Variants in STX8 observed in about 807,000 individuals in gnomAD.
The protein encoded by STX8 is syntaxin-8.
A neutral mutation model predicts 37.5 loss-of-function variants in STX8; 23 were observed. That is an observed-to-expected ratio of 0.61 (90% CI 0.44 to 0.87). The LOEUF (loss-of-function observed/expected upper bound fraction) is 0.87, where lower values mean the gene tolerates loss of function less well. Among genes scored for constraint, STX8 ranks in the 40% least tolerant of loss-of-function variants. STX8 has a pLI of 0.00. For synonymous variants in STX8, 115 were observed against 99.1 expected (o/e 1.16, Z -0.95); for missense variants, 313 against 284.7 (o/e 1.10, Z -0.71).
chr17:9,325,386 A>G (rs1909719594), intron 7 of STX8, among the ~76,000 whole-genome samples: 1 of 152,022 alleles, frequency 6.6e-6, no homozygotes, highest in Non-Finnish European at 1.5e-5. Context: ...TATGAATGAA[A>G]CCCTATCTAT....
At chr17:9,549,823 C>T (rs998373590) in intron 3 of STX8, among the ~76,000 whole-genome samples, 2 of 152,060 alleles carry the variant, frequency 1.3e-5, no homozygotes, top group African/African-American at 4.8e-5. Flanking sequence ...AAAGGATCAT[C>T]CAGGAAACAA....
chr17:9,499,048 G>A (rs996558066), intron 5 of STX8, among the ~76,000 whole-genome samples: 9 of 152,138 alleles, frequency 5.9e-5, no homozygotes, highest in South Asian at 2.1e-4. Flanking sequence ...AATTTGTTAC[G>A]ATGAGGCTTC....
chr17:9,484,661 C>CA (rs61165957), intron 6 of STX8, among the ~76,000 whole-genome samples: 41,019 of 131,482 alleles, frequency 0.31, 7,506 homozygotes, highest in East Asian at 0.77. Context: ...ACTAAAAATA[C>CA]AAAAAAAAAA....
At chr17:9,343,179 G>C (rs775824843) in intron 7 of STX8, among the ~76,000 whole-genome samples, 4 of 152,162 alleles carry the variant, frequency 2.6e-5, no homozygotes, top group Non-Finnish European at 4.4e-5. Flanking sequence ...TCAAGAAGCA[G>C]TGGAGATGTG....
At chr17:9,327,991 G>C (rs1597607136) in intron 7 of STX8, among the ~76,000 whole-genome samples, 3 of 127,148 alleles carry the variant, frequency 2.4e-5, no homozygotes, top group Non-Finnish European at 4.7e-5. Context: ...TCCTTCTTTT[G>C]TCTCTCTCTT....
chr17:9,337,557 G>A (rs997473906), intron 7 of STX8, among the ~76,000 whole-genome samples: 5 of 152,172 alleles, frequency 3.3e-5, no homozygotes, highest in African/African-American at 1.2e-4. Flanking sequence ...AGTAGAGACG[G>A]GGTTTCACCA....
chr17:9,270,157 G>A lies in STX8; in HGVS notation c.644-19512C>T, dbSNP rs140034327. ...ATATGCAACATATATTTATGTTTTT[G>A]TTGATTGGATAGCAGCTCATAGCTT... On this transcript the variant is annotated intron_variant, in intron 7 of 7. Coordinates refer to ENST00000306357, the MANE Select transcript of STX8 (RefSeq NM_004853.3). Among the ~76,000 whole-genome samples the A allele has an allele frequency of 3.4e-4, 52 of 152,306 alleles. No homozygotes were observed. The Middle Eastern group carries it at 0.01, about 30-fold the overall frequency.
In STX8 at chr17:9,290,915, C is replaced by A. The variant is rs573043526; in HGVS notation, c.644-40270G>T. On this transcript the variant is annotated intron_variant, in intron 7 of 7. Transcript: ENST00000306357. ...GTCTAATGTCCTCTGCTGAAAAAGA[C>A]AACCCTTTGGGGGTTTCCGCACTAC... Among the ~76,000 whole-genome samples, 4 of 152,238 alleles carry A rather than the reference C, an allele frequency of 2.6e-5. No homozygotes were observed. In the South Asian group the frequency reaches 8.3e-4, roughly 32 times the overall value.
At chr17:9,363,920 A>G (rs1911143611) in intron 7 of STX8, among the ~76,000 whole-genome samples, 1 of 152,092 alleles carries the variant, frequency 6.6e-6, no homozygotes, top group African/African-American at 2.4e-5. Flanking sequence ...AGGTTTTCCA[A>G]TTTTGCACTT....
At chr17:9,387,062 C>A (rs972778261) in intron 6 of STX8, among the ~76,000 whole-genome samples, 6 of 152,034 alleles carry the variant, frequency 3.9e-5, no homozygotes, top group Admixed American at 1.3e-4. Context: ...TTCTTTCCTT[C>A]ATAATTTTCC....
At chr17:9,556,821 T>TATATATATATATATA (rs1324971087) in intron 3 of STX8, 8 of 138,940 alleles carry the variant, frequency 5.8e-5, no homozygotes, top group South Asian at 2.3e-4. Context: ...ATATATATAT[T>TATATATATATATATA]TTAACACTTG....
chr17:9,516,297 T>TCATATA (rs1567593764), intron 4 of STX8, among the ~76,000 whole-genome samples: 2 of 26,218 alleles, frequency 7.6e-5, no homozygotes, highest in African/African-American at 2.6e-4. Flanking sequence ...AGAACCACAG[T>TCATATA]CATATATATA....
chr17:9,473,664 T>TTA (rs1555530216), intron 6 of STX8, among the ~76,000 whole-genome samples: 1 of 151,886 alleles, frequency 6.6e-6, no homozygotes. Flanking sequence ...CATCCATTTT[T>TTA]AAAAAAAAAA....
intron 6 of STX8, among the ~76,000 whole-genome samples, chr17:9,480,812 C>T (rs891420428): frequency 2.6e-5 from 4 of 152,350 alleles, no homozygotes; most frequent in Middle Eastern, 3.4e-3. Context: ...CTTTCCTCAT[C>T]TGACATCAAT....
intron 7 of STX8, among the ~76,000 whole-genome samples, chr17:9,345,222 C>T (rs1910492086): frequency 6.6e-6 from 1 of 152,014 alleles, no homozygotes; most frequent in Non-Finnish European, 1.5e-5. Flanking sequence ...GCAATCTCAG[C>T]TCACTGAAAC....
At chr17:9,545,090 G>T in intron 4 of STX8, 82 bp downstream of exon 4, 1 of 805,174 alleles carries the variant, frequency 1.2e-6, no homozygotes, top group Non-Finnish European at 2.1e-6. Context: ...AATTCCTAAA[G>T]TAAGCCATTC....
At chr17:9,362,072 T>A (rs1309541919) in intron 7 of STX8, among the ~76,000 whole-genome samples, 1 of 152,190 alleles carries the variant, frequency 6.6e-6, no homozygotes, top group South Asian at 2.1e-4. Flanking sequence ...GGCTCATGCC[T>A]GTAATCCCAG....
At chr17:9,351,981 C>G (rs1404278892) in intron 7 of STX8, among the ~76,000 whole-genome samples, 1 of 151,830 alleles carries the variant, frequency 6.6e-6, no homozygotes, top group Non-Finnish European at 1.5e-5. Flanking sequence ...AGACCCCCAT[C>G]TCTACAAAAA....
rs1315669351 is a variant in STX8 at position 9,460,683 on chromosome 17, AAAAAAC to A, written c.541+31140_541+31145del. 2.0e-4 allele frequency among the ~76,000 whole-genome samples: 29 copies of A among 148,542 alleles called. 1 individual carries two copies. Among genetic ancestry groups the A allele is most frequent in the Admixed American group, 1.7e-3 (26 of 15,054 alleles). ...AGTGAGACTCTGTCTCAAAAAAAAAAAAAAACAAAACAAAACTACTAAATTCACAAC... is the reference window on the plus strand; with the variant it reads ...AGTGAGACTCTGTCTCAAAAAAAAAAAAAACAAAACTACTAAATTCACAAC... On this transcript the variant is annotated intron_variant, in intron 6 of 7. Transcript: ENST00000306357.
Sources: allele counts gnomAD v4.1 joint callset (sites outside exome capture counted in the v4.1 genomes callset), GRCh38; gene constraint gnomAD v4.1.1; transcripts MANE v1.5; gene names NCBI Gene and HGNC (gene_info 2026-07-23, HGNC 2026-07-21).